The following SPEF2 variants were observed in gnomAD, a reference collection of about 807,000 sequenced individuals.
The protein encoded by SPEF2 is sperm flagellar and cilia associated 2.
SPEF2 carries 187 observed loss-of-function variants against 224.6 expected under a neutral mutation model. The ratio of observed to expected loss-of-function variants is 0.83; its 90% CI spans 0.74 to 0.94. SPEF2 has a LOEUF of 0.94. Ranked by LOEUF, SPEF2 falls within the 40% of genes least tolerant of loss-of-function variation. SPEF2 has a pLI of 0.00. For synonymous variants in SPEF2, 715 were observed against 707.3 expected (o/e 1.01, Z -0.17); for missense variants, 2,170 against 2,135.6 (o/e 1.02, Z -0.32).
At chr5:35,654,867 C>G in intron 7 of SPEF2, 141 bp downstream of exon 7, 2 of 632,314 alleles carry the variant, frequency 3.2e-6, no homozygotes, top group Non-Finnish European at 4.9e-6. Context: ...ATCATAATAG[C>G]AAATATACTA....
intron 20 of SPEF2, among the ~76,000 whole-genome samples, chr5:35,714,554 A>G (rs898887323): frequency 8.6e-5 from 13 of 151,914 alleles, no homozygotes; most frequent in Non-Finnish European, 1.9e-4. Flanking sequence ...TTGACCTGAC[A>G]TTCGTATTTG....
At chr5:35,648,532 G>A (rs545223506) in intron 5 of SPEF2, among the ~76,000 whole-genome samples, 4 of 151,894 alleles carry the variant, frequency 2.6e-5, no homozygotes, top group Non-Finnish European at 5.9e-5. Context: ...CTACAGGTCC[G>A]CAAGGCTGCT....
At chr5:35,621,400 A>G (rs1489000056) in intron 1 of SPEF2, among the ~76,000 whole-genome samples, 1 of 152,176 alleles carries the variant, frequency 6.6e-6, no homozygotes. Context: ...GAGAGGGCTT[A>G]GTAATTTGTT....
At chr5:35,761,936 A>G (rs936504836) in intron 25 of SPEF2, among the ~76,000 whole-genome samples, 24 of 152,194 alleles carry the variant, frequency 1.6e-4, no homozygotes, top group African/African-American at 4.1e-4. Context: ...ACTATCAGTC[A>G]ATCAATATAT....
chr5:35,801,096 C>T (rs1757357018), intron 34 of SPEF2, among the ~76,000 whole-genome samples: 1 of 152,234 alleles, frequency 6.6e-6, no homozygotes, highest in Non-Finnish European at 1.5e-5. Flanking sequence ...AATGAGCTAA[C>T]AACTCTTCAA....
intron 30 of SPEF2, 142 bp downstream of exon 30, chr5:35,779,488 A>C (rs140147320): frequency 3.1e-6 from 2 of 645,346 alleles, no homozygotes; most frequent in East Asian, 5.5e-5. Context: ...AGTTTATTAA[A>C]TATTTGTTTC....
chr5:35,787,126 A>T (rs1411569222), intron 30 of SPEF2, among the ~76,000 whole-genome samples: 2 of 152,204 alleles, frequency 1.3e-5, no homozygotes, highest in African/African-American at 2.4e-5. Context: ...CTGTTCAGAT[A>T]AATATATGTC....
chr5:35,750,149 A>G (rs1189220075), intron 23 of SPEF2, among the ~76,000 whole-genome samples: 2 of 152,166 alleles, frequency 1.3e-5, no homozygotes, highest in Non-Finnish European at 2.9e-5. Context: ...TTGGCTAGCC[A>G]CTTGTAGAGG....
rs181237045 is a variant in SPEF2, at chr5:35,691,984, G to A, written c.1745-586G>A. ...CCAGCTAATTTTTGTATTTTTAGTA[G>A]AGACAGGGTTTCACCATGTTGGCCA... On this transcript the variant is annotated intron_variant, in intron 11 of 36. Coordinates refer to ENST00000356031, the MANE Select transcript of SPEF2 (RefSeq NM_024867.4). Among the ~76,000 whole-genome samples the A allele has an allele frequency of 8.9e-3, 1,355 of 151,634 alleles. 16 individuals are homozygous for A. The highest frequency in any genetic ancestry group is 0.032 in the African/African-American group (1,318 of 41,358).
At chr5:35,722,095 A>G (rs918603961) in intron 20 of SPEF2, among the ~76,000 whole-genome samples, 2 of 130,646 alleles carry the variant, frequency 1.5e-5, no homozygotes, top group African/African-American at 3.4e-5. Context: ...AAGAGGAAAG[A>G]AAAAAAAAAA....
intron 21 of SPEF2, 87 bp from the exon 22 acceptor site, chr5:35,739,832 T>G (rs1162985319): frequency 1.3e-6 from 2 of 1,509,120 alleles, no homozygotes; most frequent in Non-Finnish European, 1.8e-6. Flanking sequence ...CATCTTGACC[T>G]TTTTGCTTGG....
intron 9 of SPEF2, 118 bp downstream of exon 9, chr5:35,667,377 T>A (rs978088513): frequency 1.0e-6 from 1 of 967,572 alleles, no homozygotes; most frequent in Non-Finnish European, 1.5e-6. Context: ...ATGAAAAGAC[T>A]AAAAGGTGGG....
intron 26 of SPEF2, among the ~76,000 whole-genome samples, chr5:35,767,231 A>T (rs1166566464): frequency 6.6e-6 from 1 of 151,964 alleles, no homozygotes; most frequent in Admixed American, 6.6e-5. Context: ...ATAGATTTTA[A>T]ATTGTGAAAT....
chr5:35,764,502 T>G (rs1469626900), intron 26 of SPEF2: 1 of 451,290 alleles, frequency 2.2e-6, no homozygotes, highest in Non-Finnish European at 4.5e-6. Flanking sequence ...ACACACAGAA[T>G]TTAACTCAGG....
chr5:35,683,732 G>A (rs1052897443), intron 10 of SPEF2, among the ~76,000 whole-genome samples: 7 of 152,206 alleles, frequency 4.6e-5, no homozygotes, highest in African/African-American at 1.7e-4. Context: ...CTGTGTGTAA[G>A]CAGACAAAAA....
intron 14 of SPEF2, 68 bp downstream of exon 14, chr5:35,695,864 G>A (rs1580321286): frequency 8.0e-7 from 1 of 1,257,278 alleles, no homozygotes; most frequent in Non-Finnish European, 1.1e-6. Context: ...GTGTTTTGGA[G>A]TGTCTTCGAA....
At chr5:35,704,445 G>C (rs1739335712) in intron 16 of SPEF2, 109 bp from the exon 17 acceptor site, 1 of 627,156 alleles carries the variant, frequency 1.6e-6, no homozygotes, top group Non-Finnish European at 2.8e-6. Flanking sequence ...AGTAACACTG[G>C]ACCAAATACA....
chr5:35,772,756 G>T (rs1445192283), intron 27 of SPEF2, among the ~76,000 whole-genome samples: 1 of 152,134 alleles, frequency 6.6e-6, no homozygotes, highest in Non-Finnish European at 1.5e-5. Flanking sequence ...ATCACTGTTG[G>T]GGTCTGATCC....
chr5:35,695,663 A>G, intron 13 of SPEF2, 72 bp from the exon 14 acceptor site: 2 of 1,242,920 alleles, frequency 1.6e-6, no homozygotes, highest in Non-Finnish European at 1.1e-6. Flanking sequence ...AAAACCATAG[A>G]TGGTCAAATA....
Sources: allele counts gnomAD v4.1 joint callset (sites outside exome capture counted in the v4.1 genomes callset), GRCh38; gene constraint gnomAD v4.1.1; transcripts MANE v1.5; gene names NCBI Gene and HGNC (gene_info 2026-07-23, HGNC 2026-07-21).